The following FUCA1 variants were observed in gnomAD, a reference collection of about 807,000 sequenced individuals.
FUCA1 encodes alpha-L-fucosidase 1.
A neutral mutation model predicts 56.8 loss-of-function variants in FUCA1; 52 were observed. The observed-to-expected ratio is 0.92, with a 90% CI of 0.73 to 1.15. The LOEUF (loss-of-function observed/expected upper bound fraction) is 1.15, where lower values mean the gene tolerates loss of function less well. FUCA1 is among the 50% of genes most tolerant of loss of function. FUCA1 has a pLI of 0.00. For synonymous variants in FUCA1, 230 were observed against 226.6 expected (o/e 1.02, Z -0.14); for missense variants, 568 against 592.6 (o/e 0.96, Z 0.43).
chr1:23,853,124 C>T (rs1389385202), intron 5 of FUCA1, among the ~76,000 whole-genome samples: 4 of 145,426 alleles, frequency 2.8e-5, no homozygotes, highest in Admixed American at 1.4e-4. Context: ...GCCTCTGCCC[C>T]GCCGCCCCGT....
At chr1:23,861,318 G>A (rs1315032480) in intron 3 of FUCA1, among the ~76,000 whole-genome samples, 4 of 89,602 alleles carry the variant, frequency 4.5e-5, no homozygotes, top group African/African-American at 1.5e-4. Context: ...GCGAGACTCC[G>A]TCTCAAAAAA....
In FUCA1 at chr1:23,864,380, G is replaced by T. The variant is rs541537431; in HGVS notation, c.525-1109C>A. Among the ~76,000 whole-genome samples, 363 of 152,120 alleles carry T rather than the reference G, an allele frequency of 2.4e-3. 2 individuals are homozygous for T. The highest frequency in any genetic ancestry group is 7.9e-3 in the African/African-American group (329 of 41,494). On this transcript the variant is annotated intron_variant, in intron 2 of 7. Transcript: ENST00000374479. ...TGGGATTACAGGCGTAAGTCACCACGCCTGGCCAAACTAATAGTTCTTAAC... is the reference window on the plus strand; with the variant it reads ...TGGGATTACAGGCGTAAGTCACCACTCCTGGCCAAACTAATAGTTCTTAAC...
At chr1:23,856,144 A>G (rs892619187) in intron 4 of FUCA1, among the ~76,000 whole-genome samples, 1 of 152,166 alleles carries the variant, frequency 6.6e-6, no homozygotes, top group African/African-American at 2.4e-5. Context: ...ACAAACAAAC[A>G]AAACCAACCA....
rs1289777489 is a variant in FUCA1 at position 23,845,613 on chromosome 1, G to C, written c.*102C>G. 3 of 1,392,940 alleles carry C rather than the reference G, an allele frequency of 2.2e-6. No individual in the cohort carries two copies. Among genetic ancestry groups the C allele is most frequent in the Non-Finnish European group, 3.1e-6 (3 of 979,830 alleles). The allele number at this position is 1,392,940 out of a possible 1,614,324, so 86.3% of individuals were successfully genotyped here. A position where few individuals can be genotyped will look rare whatever the true frequency, so the allele number is the denominator to read the frequency against. ...AAATGTGTTGGAAAAGCCATCTCTG[G>C]GTGGAGAAGAGAAGTTCGTTGATTA... On this transcript the variant is annotated 3_prime_UTR_variant, in exon 8 of 8. Transcript: ENST00000374479.
chr1:23,865,911 T>C (rs1182294667), intron 1 of FUCA1, among the ~76,000 whole-genome samples: 1 of 152,202 alleles, frequency 6.6e-6, no homozygotes, highest in Non-Finnish European at 1.5e-5. Flanking sequence ...GAAGTGCACC[T>C]TAGCTCTCTG....
At position 23,863,184 on chromosome 1, in the gene FUCA1, C is replaced by T; in HGVS notation, c.612G>A (p.Gln204=). The T allele has an allele frequency of 6.2e-7, 1 of 1,613,938 alleles. No homozygotes were observed. Among genetic ancestry groups the T allele is most frequent in the Non-Finnish European group, 8.5e-7 (1 of 1,180,002 alleles). The change falls in exon 3 of 8, where the codon CAG becomes CAA. Residue 204 remains glutamine (Q), a synonymous_variant. Coordinates refer to ENST00000374479, the MANE Select transcript of FUCA1 (RefSeq NM_000147.5). ...LLDKKNGFKT[Q]HFVSAKTMPE... The stretch of plus-strand genomic sequence containing the variant: ...GCATTGTTTTTGCACTGACAAAATG[C>T]TGTGTTTTGAAGCCATTTTTCTTAT...
At chr1:23,856,273 C>T (rs1002136918) in intron 4 of FUCA1, among the ~76,000 whole-genome samples, 13 of 152,132 alleles carry the variant, frequency 8.5e-5, no homozygotes, top group Non-Finnish European at 4.4e-5. Flanking sequence ...CCTTGCCACA[C>T]CTCCTCTTTC....
chr1:23,850,484 T>TAA (rs200219000), intron 5 of FUCA1, among the ~76,000 whole-genome samples: 2 of 151,736 alleles, frequency 1.3e-5, no homozygotes, highest in African/African-American at 4.8e-5. Context: ...TATTATTATT[T>TAA]AAAAAAAATT....
chr1:23,866,399 T>C (rs999733038), intron 1 of FUCA1, among the ~76,000 whole-genome samples: 18 of 152,248 alleles, frequency 1.2e-4, no homozygotes, highest in Admixed American at 5.9e-4. Context: ...TCATTTATTA[T>C]AGAGGTGACA....
rs1639471051 is a variant in FUCA1 at position 23,859,904 on chromosome 1, C to G, written c.663-1G>C. The G allele has an allele frequency of 6.3e-7, 1 of 1,584,560 alleles. No homozygotes were observed. Among genetic ancestry groups the G allele is most frequent in the African/African-American group, 1.3e-5 (1 of 74,390 alleles). On this transcript the variant is annotated splice_acceptor_variant, in intron 3 of 7. Transcript: ENST00000374479. LOFTEE classifies it high-confidence loss of function. The stretch of plus-strand genomic sequence containing the variant: ...AGACCAGATCAGATCAGGTTTATAG[C>G]TGGAAGACATGTGATCAGGACAGAG...
At chr1:23,846,278 T>TC in intron 6 of FUCA1, 105 bp from the exon 7 acceptor site, 3 of 787,494 alleles carry the variant, frequency 3.8e-6, no homozygotes, top group African/African-American at 1.8e-5. Context: ...TTCTTTTCTT[T>TC]TTTTTTTTTT....
chr1:23,858,993 G>A (rs1639452167), intron 4 of FUCA1, among the ~76,000 whole-genome samples: 1 of 151,908 alleles, frequency 6.6e-6, no homozygotes, highest in African/African-American at 2.4e-5. Flanking sequence ...CGTTGCCCAG[G>A]CTGGTCTTGA....
chr1:23,863,099 A>T (rs1639542113), intron 3 of FUCA1, 35 bp downstream of exon 3: 1 of 1,612,222 alleles, frequency 6.2e-7, no homozygotes, highest in African/African-American at 1.3e-5. Flanking sequence ...TTTCATTGAT[A>T]AAAGTCATAG....
At position 23,867,844 on chromosome 1, in the gene FUCA1, T is replaced by A; in HGVS notation, c.389+54A>T. On this transcript the variant is annotated intron_variant, in intron 1 of 7. Coordinates refer to ENST00000374479, the MANE Select transcript of FUCA1 (RefSeq NM_000147.5). The surrounding 1 kb of genome is among the most constrained non-coding windows in gnomAD (Gnocchi z 4.9). ...CCCCAGCTGGCCGCCCAGCCCCACC[T>A]CCTGTTTGCCGCCCGAGCCGGGAAG... The A allele has an allele frequency of 6.6e-7, 1 of 1,513,422 alleles. No homozygotes were observed. The highest frequency in any genetic ancestry group is 8.8e-7 in the Non-Finnish European group (1 of 1,135,116). The allele number at this position is 1,513,422 out of a possible 1,614,324, so 93.7% of individuals were successfully genotyped here. A position where few individuals can be genotyped will look rare whatever the true frequency, so the allele number is the denominator to read the frequency against.
intron 3 of FUCA1, among the ~76,000 whole-genome samples, chr1:23,861,124 C>A (rs1234075263): frequency 1.3e-5 from 2 of 151,164 alleles, no homozygotes; most frequent in African/African-American, 4.8e-5. Flanking sequence ...GAGATCGAGA[C>A]CATCCTAGCT....
intron 3 of FUCA1, among the ~76,000 whole-genome samples, chr1:23,862,097 A>G (rs1639521733): frequency 6.6e-6 from 1 of 152,242 alleles, no homozygotes; most frequent in Non-Finnish European, 1.5e-5. Flanking sequence ...AAATCTGTCC[A>G]TGTCTCTGAT....
In FUCA1 at chr1:23,845,488, A is replaced by T. The variant is rs747857397; in HGVS notation, c.*227T>A. ...TGATGAACTCAGAGTTCAACTGCTC[A>T]GTTCCTTCTTCTGCTGACCTGATAC... On this transcript the variant is annotated 3_prime_UTR_variant, in exon 8 of 8. Transcript: ENST00000374479. 5.1e-6 allele frequency: 3 copies of T among 585,244 alleles called. No homozygotes were observed. Among genetic ancestry groups the T allele is most frequent in the Non-Finnish European group, 9.1e-6 (3 of 328,576 alleles). The allele number at this position is 585,244 out of a possible 1,614,324, so 36.3% of individuals were successfully genotyped here.
intron 6 of FUCA1, among the ~76,000 whole-genome samples, chr1:23,847,690 C>T (rs922567735): frequency 2.6e-5 from 4 of 152,094 alleles, no homozygotes; most frequent in African/African-American, 9.7e-5. Flanking sequence ...TCCCAGCCTC[C>T]AGAACTGTGA....
chr1:23,866,066 C>A lies in FUCA1; in HGVS notation c.390-441G>T, dbSNP rs147070541. On this transcript the variant is annotated intron_variant, in intron 1 of 7. Transcript: ENST00000374479. ...GTGGCTCACACCTGTAATCCCAGCA[C>A]TTTGGGAGGCCAAGGTGGGCGGATT... Among the ~76,000 whole-genome samples the A allele has an allele frequency of 5.4e-3, 817 of 152,302 alleles. 6 individuals are homozygous for A. Among genetic ancestry groups the A allele is most frequent in the African/African-American group, 0.018 (767 of 41,544 alleles).
Sources: allele counts gnomAD v4.1 joint callset (sites outside exome capture counted in the v4.1 genomes callset), GRCh38; gene constraint gnomAD v4.1.1; non-coding constraint Gnocchi (gnomAD v3.1); transcripts MANE v1.5; gene names NCBI Gene and HGNC (gene_info 2026-07-23, HGNC 2026-07-21).